The following CDH7 variants were observed in gnomAD, a reference collection of about 807,000 sequenced individuals.
CDH7 encodes the protein cadherin-7.
CDH7 carries 25 observed loss-of-function variants against 71.8 expected under a neutral mutation model. The ratio of observed to expected loss-of-function variants is 0.35; its 90% CI spans 0.25 to 0.49. The LOEUF (loss-of-function observed/expected upper bound fraction) is 0.49. Among genes scored for constraint, CDH7 ranks in the 20% least tolerant of loss-of-function variants. The pLI, the probability that CDH7 is intolerant of heterozygous loss-of-function variation, is 0.99. For missense variants in CDH7, 862 were observed against 974.6 expected (o/e 0.88, Z 1.54); for synonymous variants, 381 against 363.8 (o/e 1.05, Z -0.54).
At chr18:65,754,551 A>C (rs1915979893) in intron 1 of CDH7, among the ~76,000 whole-genome samples, 1 of 152,232 alleles carries the variant, frequency 6.6e-6, no homozygotes, top group Non-Finnish European at 1.5e-5. Context: ...TTAAACTTTA[A>C]ATGGTATACA....
At chr18:65,782,084 TTCCTTCCTTCCTTCCTTCCTTCC>T (rs2143835311) in intron 2 of CDH7, among the ~76,000 whole-genome samples, 2 of 45,900 alleles carry the variant, frequency 4.4e-5, no homozygotes, top group African/African-American at 4.2e-4. Context: ...CTTTCTTTCC[TTCCTTCCTTCCTTCCTTCCTTCC>T]TTCTTTCTTT....
intron 7 of CDH7, 128 bp from the exon 8 acceptor site, chr18:65,857,688 T>A: frequency 1.2e-6 from 1 of 850,004 alleles, no homozygotes; most frequent in Non-Finnish European, 1.8e-6. Flanking sequence ...TGCATTTATG[T>A]GATTAATATG....
chr18:65,790,366 G>A (rs912091599), intron 2 of CDH7, among the ~76,000 whole-genome samples: 7 of 151,742 alleles, frequency 4.6e-5, no homozygotes, highest in African/African-American at 1.7e-4. Flanking sequence ...ATTATTTAAT[G>A]TCTCTCGATA....
chr18:65,770,089 C>A (rs190776680), intron 2 of CDH7, among the ~76,000 whole-genome samples: 1 of 152,252 alleles, frequency 6.6e-6, no homozygotes, highest in Admixed American at 6.5e-5. Flanking sequence ...TGTTTAGAAT[C>A]AGGAGTGTGA....
In CDH7 at chr18:65,862,767, C is replaced by T; in HGVS notation, c.1714C>T (p.Leu572Phe). The change falls in exon 11 of 12, where the codon CTT (leucine) becomes TTT (phenylalanine). Residue 572 changes from leucine to phenylalanine, a missense_variant. Physicochemically the swap from Leu to Phe is conservative, Grantham distance 22. Transcript: ENST00000397968. ...CATTGTGGACAGTGGATCTCCCTCA[C>T]TTAGCAGCACCAACACCCTCACCAT... ...IFIVDSGSPSLSSTNTLTIRV... is the reference protein window; with the variant it reads ...IFIVDSGSPSFSSTNTLTIRV... 6.2e-7 allele frequency: 1 copy of T among 1,614,110 alleles called. No individual in the cohort carries two copies. The highest frequency in any genetic ancestry group is 8.5e-7 in the Non-Finnish European group (1 of 1,179,990).
At chr18:65,862,582 A>G in intron 10 of CDH7, 84 bp from the exon 11 acceptor site, 1 of 1,373,080 alleles carries the variant, frequency 7.3e-7, no homozygotes, top group Non-Finnish European at 1.0e-6. Context: ...AAGGCATCAA[A>G]GTAAATAGAG....
intron 11 of CDH7, among the ~76,000 whole-genome samples, chr18:65,874,514 A>G (rs1387408110): frequency 6.6e-6 from 1 of 152,086 alleles, no homozygotes; most frequent in Non-Finnish European, 1.5e-5. Context: ...GTTGGAAACT[A>G]CAAAAGGTGG....
intron 2 of CDH7, chr18:65,803,948 A>G (rs1175268402): frequency 6.6e-6 from 1 of 151,522 alleles, no homozygotes; most frequent in Non-Finnish European, 1.5e-5. Context: ...AGTTTTATTT[A>G]TATTACAGTG....
chr18:65,862,576 C>A, intron 10 of CDH7, 90 bp from the exon 11 acceptor site: 2 of 1,265,916 alleles, frequency 1.6e-6, no homozygotes, highest in Non-Finnish European at 2.2e-6. Flanking sequence ...CTAATTAAGG[C>A]ATCAAAGTAA....
intron 7 of CDH7, among the ~76,000 whole-genome samples, chr18:65,848,997 T>C (rs1913034409): frequency 6.6e-6 from 1 of 152,138 alleles, no homozygotes; most frequent in Non-Finnish European, 1.5e-5. Context: ...CATTCATATA[T>C]GTGCACATAT....
At chr18:65,781,096 G>A (rs1432427141) in intron 2 of CDH7, among the ~76,000 whole-genome samples, 1 of 152,020 alleles carries the variant, frequency 6.6e-6, no homozygotes, top group East Asian at 1.9e-4. Flanking sequence ...CCAAGATGGT[G>A]TTGGAATAGG....
intron 2 of CDH7, among the ~76,000 whole-genome samples, chr18:65,794,742 A>G (rs980541251): frequency 2.0e-5 from 3 of 152,038 alleles, no homozygotes; most frequent in African/African-American, 7.2e-5. Context: ...AAATGGGCAC[A>G]CTCAGGGCGG....
At chr18:65,780,098 T>A (rs1406565598) in intron 2 of CDH7, among the ~76,000 whole-genome samples, 4 of 104,698 alleles carry the variant, frequency 3.8e-5, no homozygotes, top group Middle Eastern at 0.01. Context: ...TGCATAAATG[T>A]CTTCTTTTGA....
intron 7 of CDH7, among the ~76,000 whole-genome samples, chr18:65,857,528 A>G: frequency 6.6e-6 from 1 of 151,754 alleles, no homozygotes; most frequent in East Asian, 1.9e-4. Flanking sequence ...AATAGTAATA[A>G]TAATGAACTT....
intron 7 of CDH7, among the ~76,000 whole-genome samples, chr18:65,855,816 C>A (rs1018332382): frequency 2.6e-5 from 4 of 152,124 alleles, no homozygotes; most frequent in Admixed American, 6.5e-5. Context: ...TCAAGACTTT[C>A]ATGCAAATAT....
At chr18:65,872,477 G>A (rs1020724566) in intron 11 of CDH7, among the ~76,000 whole-genome samples, 16 of 152,180 alleles carry the variant, frequency 1.1e-4, no homozygotes, top group Admixed American at 9.2e-4. Flanking sequence ...TGATGGAATA[G>A]TGTGCCTGGA....
rs1308723429 is a variant in CDH7 at position 65,883,056 on chromosome 18, T to TA, written c.*2166dup. The TA allele has an allele frequency of 6.6e-6, 1 of 152,126 alleles. No individual in the cohort carries two copies. Among genetic ancestry groups the TA allele is most frequent in the East Asian group, 1.9e-4 (1 of 5,198 alleles). 9.4% of individuals were successfully genotyped at this position (152,126 alleles called of 1,614,324 possible). A position where few individuals can be genotyped will look rare whatever the true frequency, so the allele number is the denominator to read the frequency against. On this transcript the variant is annotated 3_prime_UTR_variant, in exon 12 of 12. Transcript: ENST00000397968. ...TCATTCACCCTGCTTTTTCTGCTTTTAAAATGTGTGTTTTTTCTCATTAAT... is the reference window on the plus strand; with the variant it reads ...TCATTCACCCTGCTTTTTCTGCTTTTAAAAATGTGTGTTTTTTCTCATTAAT...
chr18:65,838,035 C>T (rs973828414), intron 6 of CDH7, among the ~76,000 whole-genome samples: 19 of 151,364 alleles, frequency 1.3e-4, no homozygotes, highest in African/African-American at 4.6e-4. Flanking sequence ...AGCAATTCTC[C>T]TGCCTCAGCC....
At chr18:65,819,886 C>T (rs1911856586) in intron 4 of CDH7, among the ~76,000 whole-genome samples, 1 of 150,898 alleles carries the variant, frequency 6.6e-6, no homozygotes, top group Non-Finnish European at 1.5e-5. Flanking sequence ...TGTCTAGGCT[C>T]CTGAGGGTAA....
Sources: allele counts gnomAD v4.1 joint callset (sites outside exome capture counted in the v4.1 genomes callset), GRCh38; gene constraint gnomAD v4.1.1; transcripts MANE v1.5; gene names NCBI Gene and HGNC (gene_info 2026-07-23, HGNC 2026-07-21).